The following ZNF454 variants were observed in gnomAD, a reference collection of about 807,000 sequenced individuals.
ZNF454 encodes the protein zinc finger protein 454.
Under a neutral mutation model 48.2 loss-of-function variants are expected in ZNF454, and 30 were observed. The observed-to-expected ratio is 0.62, with a 90% CI of 0.47 to 0.84. The LOEUF is 0.84. Ranked by LOEUF, ZNF454 falls within the 40% of genes least tolerant of loss-of-function variation. ZNF454 has a pLI of 0.00. For missense variants in ZNF454, 510 were observed against 623.1 expected (o/e 0.82, Z 1.93); for synonymous variants, 204 against 211.4 (o/e 0.97, Z 0.30).
At chr5:178,954,631 T>G (rs575549012) in intron 4 of ZNF454, among the ~76,000 whole-genome samples, 3 of 152,350 alleles carry the variant, frequency 2.0e-5, no homozygotes, top group Middle Eastern at 3.4e-3. Context: ...TTTTGACAAA[T>G]TTATACAATT....
chr5:178,983,028 C>T, the ZNF454 span: 45 of 1,613,874 alleles, frequency 2.8e-5, no homozygotes, highest in East Asian at 4.5e-5. Context: ...GGGCACGCCA[C>T]GGGCCTTGAT....
rs1245219228 is a variant in ZNF454, at chr5:178,961,606, A to C, written c.251-3049A>C. Reference sequence around the variant, plus strand: ...CAAGGCGGGCGGATTGCCTCAGCTCAGGAGTTCGCAACCAGCCTGGGCAAC... The same window carrying C: ...CAAGGCGGGCGGATTGCCTCAGCTCCGGAGTTCGCAACCAGCCTGGGCAAC... On this transcript the variant is annotated intron_variant, in intron 4 of 4. Coordinates refer to ENST00000519564, the MANE Select transcript of ZNF454 (RefSeq NM_001178089.3). Among the ~76,000 whole-genome samples the C allele has an allele frequency of 1.2e-4, 18 of 151,698 alleles. No individual in the cohort carries two copies. The East Asian group carries it at 3.3e-3, about 27-fold the overall frequency.
At chr5:178,950,581 C>T (rs1343129132) in intron 4 of ZNF454, among the ~76,000 whole-genome samples, 1 of 152,190 alleles carries the variant, frequency 6.6e-6, no homozygotes, top group Non-Finnish European at 1.5e-5. Flanking sequence ...AATGCTCAGC[C>T]AAAGGCTCAC....
At chr5:178,982,532 A>C in the ZNF454 span, among the ~76,000 whole-genome samples, 2 of 138,464 alleles carry the variant, frequency 1.4e-5, no homozygotes, top group African/African-American at 5.4e-5. Context: ...AGCCAAGATC[A>C]CGCCACTGCA....
the ZNF454 span, among the ~76,000 whole-genome samples, chr5:178,974,610 G>A: frequency 5.9e-5 from 9 of 152,244 alleles, no homozygotes; most frequent in Non-Finnish European, 1.2e-4. Context: ...GAGCCACCGC[G>A]CCCGGCCTCT....
chr5:178,955,502 T>A (rs908027803), intron 4 of ZNF454, among the ~76,000 whole-genome samples: 1 of 152,246 alleles, frequency 6.6e-6, no homozygotes, highest in Non-Finnish European at 1.5e-5. Context: ...AAGGACCAAG[T>A]CAAAGTTGTA....
At chr5:178,975,720 G>A in the ZNF454 span, 3 of 425,244 alleles carry the variant, frequency 7.1e-6, no homozygotes, top group East Asian at 7.5e-5. Flanking sequence ...TTAGCTTGAT[G>A]TGTCACCTGG....
chr5:178,969,493 G>T, downstream of ZNF454: 1 of 456,950 alleles, frequency 2.2e-6, no homozygotes, highest in East Asian at 6.9e-5. Flanking sequence ...ATACCCAGCT[G>T]TGACAAGATG....
chr5:178,942,718 T>C lies in ZNF454; in HGVS notation c.-74T>C, dbSNP rs1759157190. 6.5e-7 allele frequency: 1 copy of C among 1,549,744 alleles called. No homozygotes were observed. The highest frequency in any genetic ancestry group is 8.9e-7 in the Non-Finnish European group (1 of 1,122,310). ...TGGACCCTTCTAGCCTGAGGAGTCC[T>C]GCAGGTGTGAAGCTCCACACCTGCC... On this transcript the variant is annotated 5_prime_UTR_variant, in exon 2 of 5. Transcript: ENST00000519564.
chr5:178,987,229 GA>G, the ZNF454 span: 3 of 656,880 alleles, frequency 4.6e-6, no homozygotes, highest in East Asian at 3.0e-5. Flanking sequence ...CGGTGGGTGG[GA>G]AAAGGCTGCA....
the ZNF454 span, chr5:178,981,965 G>A: frequency 1.5e-5 from 12 of 823,636 alleles, no homozygotes; most frequent in Non-Finnish European, 1.9e-5. The surrounding 1 kb of genome is among the most constrained non-coding windows in gnomAD (Gnocchi z 5.1). Flanking sequence ...TTGGGGAACT[G>A]GGAATGAGCA....
At chr5:178,964,172 A>G (rs1321349473) in intron 4 of ZNF454, among the ~76,000 whole-genome samples, 2 of 151,204 alleles carry the variant, frequency 1.3e-5, no homozygotes, top group Admixed American at 6.6e-5. Context: ...CCAGGCTGGA[A>G]TGCAGTGGCG....
intron 4 of ZNF454, among the ~76,000 whole-genome samples, chr5:178,952,284 G>A (rs1265583392): frequency 1.3e-5 from 2 of 152,162 alleles, no homozygotes; most frequent in Non-Finnish European, 2.9e-5. Flanking sequence ...TGATCCGCCC[G>A]CCTCGGCCTC....
chr5:178,967,179 G>C (rs115341019), downstream of ZNF454, among the ~76,000 whole-genome samples: 1,400 of 152,242 alleles, frequency 9.2e-3, 20 homozygotes, highest in African/African-American at 0.032. Context: ...TCTGTACTTA[G>C]TGACTCTACA....
At chr5:178,980,105 GA>G in the ZNF454 span, 1 of 154,348 alleles carries the variant, frequency 6.5e-6, no homozygotes, top group Non-Finnish European at 1.5e-5. The surrounding 1 kb of genome is among the most constrained non-coding windows in gnomAD (Gnocchi z 4.3). Flanking sequence ...AAAACCTGCA[GA>G]AGCACCTAGT....
chr5:178,946,539 C>A lies in ZNF454; in HGVS notation c.160+54C>A. 1.3e-6 allele frequency: 2 copies of A among 1,546,984 alleles called. No individual in the cohort carries two copies. The highest frequency in any genetic ancestry group is 1.7e-6 in the Non-Finnish European group (2 of 1,151,330). ...TCACTTTTGGGGATCTCTTTGGGAC[C>A]CTTACATTGACACCATATAGAAGAG... On this transcript the variant is annotated intron_variant, in intron 3 of 4. Coordinates refer to ENST00000519564, the MANE Select transcript of ZNF454 (RefSeq NM_001178089.3). This position sits in a 1 kb window ranked among gnomAD's most constrained non-coding sequence, Gnocchi z 4.5.
the ZNF454 span, among the ~76,000 whole-genome samples, chr5:178,988,297 T>G: frequency 1.3e-5 from 2 of 152,196 alleles, no homozygotes; most frequent in African/African-American, 4.8e-5. The surrounding 1 kb of genome is among the most constrained non-coding windows in gnomAD (Gnocchi z 6.0). Context: ...TCTGGAGTCA[T>G]ATTAAATGGA....
At chr5:178,964,534 A>G in intron 4 of ZNF454, 121 bp from the exon 5 acceptor site, 1 of 789,980 alleles carries the variant, frequency 1.3e-6, no homozygotes, top group Non-Finnish European at 2.1e-6. Context: ...TCTTGTTGTT[A>G]CTTCAGAAAA....
the ZNF454 span, among the ~76,000 whole-genome samples, chr5:178,977,984 C>T: frequency 6.6e-6 from 1 of 152,208 alleles, no homozygotes; most frequent in Admixed American, 6.5e-5. Flanking sequence ...CTTATTCCTT[C>T]TTGGTTCCTA....
Sources: gnomAD v4.1 joint callset for allele counts (sites outside exome capture counted in the v4.1 genomes callset) on GRCh38, gnomAD v4.1.1 for gene constraint, Gnocchi (gnomAD v3.1) non-coding constraint, MANE v1.5 for transcripts, NCBI Gene and HGNC (gene_info 2026-07-23, HGNC 2026-07-21) for gene names.